The following CSTF3 variants were observed in gnomAD, a reference collection of about 807,000 sequenced individuals.
CSTF3 encodes CF-1 77 kDa subunit.
Under a neutral mutation model 105.8 loss-of-function variants are expected in CSTF3, and 29 were observed. The observed-to-expected ratio is 0.27, with a 90% CI of 0.20 to 0.37. The LOEUF (loss-of-function observed/expected upper bound fraction) is 0.37. CSTF3 is among the 10% of genes least tolerant of loss of function. The pLI is 1.00. For missense variants in CSTF3, 357 were observed against 879.3 expected (o/e 0.41, Z 7.51); for synonymous variants, 252 against 281.9 (o/e 0.89, Z 1.06).
chr11:33,161,396 C>T lies in CSTF3; in HGVS notation c.-71G>A. ...TAGAAAAGAAAAATTAAACTAAAAA[C>T]CACCCCCAAATCAGTAAAGTTACCC... On this transcript the variant is annotated 5_prime_UTR_variant, in exon 1 of 21. Coordinates refer to ENST00000323959, the MANE Select transcript of CSTF3 (RefSeq NM_001326.3). 1.3e-6 allele frequency: 2 copies of T among 1,562,828 alleles called. No homozygotes were observed. The highest frequency in any genetic ancestry group is 1.7e-6 in the Non-Finnish European group (2 of 1,143,238).
intron 3 of CSTF3, among the ~76,000 whole-genome samples, chr11:33,133,680 A>G (rs111941715): frequency 6.6e-6 from 1 of 152,294 alleles, no homozygotes; most frequent in African/African-American, 2.4e-5. Context: ...CCCCATCTCT[A>G]CTAAAAATAC....
intron 20 of CSTF3, 110 bp downstream of exon 20, chr11:33,085,603 C>G: frequency 1.0e-6 from 1 of 995,320 alleles, no homozygotes; most frequent in Non-Finnish European, 1.6e-6. Flanking sequence ...CACTGCACTT[C>G]AAATTGGCTG....
In CSTF3 at chr11:33,119,100, T is replaced by TTA. The variant is rs1398060614; in HGVS notation, c.226-10684_226-10683dup. ...GAGGGGAAGTTGTTCAGAAAACCAT[T>TTA]TACTTAAAACTGTTTATAATTCATT... On this transcript the variant is annotated intron_variant, in intron 3 of 20. Transcript: ENST00000323959. 4.6e-5 allele frequency among the ~76,000 whole-genome samples: 7 copies of TTA among 151,912 alleles called. 1 individual carries two copies. The South Asian group carries it at 1.4e-3, about 31-fold the overall frequency.
intron 3 of CSTF3, among the ~76,000 whole-genome samples, chr11:33,126,779 T>C (rs1257062419): frequency 1.3e-5 from 2 of 152,214 alleles, no homozygotes; most frequent in African/African-American, 2.4e-5. Context: ...CAACAAGTAT[T>C]CATAGTGCCA....
At chr11:33,089,344 CAA>C (rs71034649) in intron 17 of CSTF3, among the ~76,000 whole-genome samples, 18 of 123,940 alleles carry the variant, frequency 1.5e-4, no homozygotes, top group African/African-American at 1.9e-4. Context: ...GAGACCATCT[CAA>C]AAAAAAAAAA....
At chr11:33,090,192 GA>G (rs1218271314) in intron 17 of CSTF3, among the ~76,000 whole-genome samples, 1 of 151,672 alleles carries the variant, frequency 6.6e-6, no homozygotes, top group Non-Finnish European at 1.5e-5. Flanking sequence ...GAACTATTAG[GA>G]AAAAAAAGTA....
intron 9 of CSTF3, 69 bp downstream of exon 9, chr11:33,103,038 A>G: frequency 4.0e-6 from 4 of 1,010,652 alleles, no homozygotes; most frequent in Non-Finnish European, 5.9e-6. Flanking sequence ...GTAATACCAG[A>G]CAGGGAAAGC....
intron 14 of CSTF3, 49 bp from the exon 15 acceptor site, chr11:33,096,457 A>G (rs779262213): frequency 8.9e-7 from 1 of 1,126,926 alleles, no homozygotes; most frequent in Non-Finnish European, 1.3e-6. Flanking sequence ...TGTCAGATAA[A>G]AAACACTTGA....
intron 3 of CSTF3, among the ~76,000 whole-genome samples, chr11:33,126,547 G>T (rs1417803614): frequency 1.3e-5 from 2 of 151,972 alleles, no homozygotes; most frequent in Non-Finnish European, 2.9e-5. Flanking sequence ...AATATTTAGG[G>T]GTATTAGACA....
At chr11:33,157,972 C>G (rs1412813536) in intron 1 of CSTF3, among the ~76,000 whole-genome samples, 3 of 152,090 alleles carry the variant, frequency 2.0e-5, no homozygotes, top group Non-Finnish European at 4.4e-5. Context: ...TCTTAAATAT[C>G]AAGCAAGGTA....
chr11:33,145,080 A>C (rs1378761003), intron 1 of CSTF3: 1 of 152,580 alleles, frequency 6.6e-6, no homozygotes, highest in Non-Finnish European at 1.5e-5. Context: ...AAAAACCTCC[A>C]ACACATGACA....
rs533006598 is a variant in CSTF3 at position 33,101,116 on chromosome 11, G to A, written c.826+1061C>T. Among the ~76,000 whole-genome samples the A allele has an allele frequency of 4.6e-5, 7 of 152,178 alleles. 1 individual carries two copies. Among genetic ancestry groups the A allele is most frequent in the Admixed American group, 1.3e-4 (2 of 15,288 alleles). Reference sequence around the variant, plus strand: ...TTAAATATGGCTTTTCCCTTCAAACGCATGCCCATGTTGTGCACTTCTGGG... The same window carrying A: ...TTAAATATGGCTTTTCCCTTCAAACACATGCCCATGTTGTGCACTTCTGGG... On this transcript the variant is annotated intron_variant, in intron 10 of 20. Transcript: ENST00000323959.
At position 33,161,366 on chromosome 11, in the gene CSTF3, G is replaced by A. The variant is rs771166201; in HGVS notation, c.-41C>T. The stretch of plus-strand genomic sequence containing the variant: ...CAACGTGCGCACTGACCGTCGATGG[G>A]AAGCTAGAAAAGAAAAATTAAACTA... On this transcript the variant is annotated 5_prime_UTR_variant, in exon 1 of 21. Transcript: ENST00000323959. The A allele has an allele frequency of 6.8e-6, 11 of 1,609,186 alleles. No homozygotes were observed. The highest frequency in any genetic ancestry group is 1.3e-5 in the African/African-American group (1 of 74,902).
chr11:33,154,697 A>G (rs1480227475), intron 1 of CSTF3, among the ~76,000 whole-genome samples: 6 of 151,952 alleles, frequency 3.9e-5, no homozygotes, highest in Admixed American at 1.3e-4. Flanking sequence ...GAGTTTCACC[A>G]TACTAGCCAG....
At chr11:33,102,430 G>A (rs1855289419) in intron 9 of CSTF3, 91 bp from the exon 10 acceptor site, 3 of 1,152,208 alleles carry the variant, frequency 2.6e-6, no homozygotes, top group Admixed American at 4.8e-5. Flanking sequence ...GACTGTTCAA[G>A]ATGCCTACTT....
At chr11:33,128,647 T>TA (rs1180535223) in intron 3 of CSTF3, among the ~76,000 whole-genome samples, 1 of 152,194 alleles carries the variant, frequency 6.6e-6, no homozygotes, top group African/African-American at 2.4e-5. Context: ...CATATTTCTA[T>TA]AATATTTCTA....
At chr11:33,136,381 A>C (rs935580441) in intron 3 of CSTF3, among the ~76,000 whole-genome samples, 6 of 152,042 alleles carry the variant, frequency 3.9e-5, no homozygotes, top group African/African-American at 1.4e-4. Flanking sequence ...GAAAGTAATA[A>C]GTTACAACTA....
intron 3 of CSTF3, among the ~76,000 whole-genome samples, chr11:33,119,256 G>A (rs1167072254): frequency 1.3e-5 from 2 of 151,682 alleles, no homozygotes; most frequent in African/African-American, 4.8e-5. Context: ...CACTAATCAA[G>A]ACAATCTTTC....
intron 1 of CSTF3, among the ~76,000 whole-genome samples, chr11:33,157,802 C>T (rs1241314210): frequency 6.6e-6 from 1 of 152,222 alleles, no homozygotes; most frequent in Non-Finnish European, 1.5e-5. Context: ...TTGTAGGACT[C>T]TTTGTCCACC....
Sources: gnomAD v4.1 joint callset for allele counts (sites outside exome capture counted in the v4.1 genomes callset) on GRCh38, gnomAD v4.1.1 for gene constraint, MANE v1.5 for transcripts, NCBI Gene and HGNC (gene_info 2026-07-23, HGNC 2026-07-21) for gene names.